The following SFMBT2 variants were observed in gnomAD, a reference collection of about 807,000 sequenced individuals.
The protein encoded by SFMBT2 is Scm like with four mbt domains 2, also known as scm-like with four MBT domains protein 2.
Under a neutral mutation model 110.1 loss-of-function variants are expected in SFMBT2, and 38 were observed. The observed-to-expected ratio is 0.35, with a 90% CI of 0.27 to 0.45. The LOEUF is 0.45. Ranked by LOEUF, SFMBT2 falls within the 20% of genes least tolerant of loss-of-function variation. SFMBT2 has a pLI of 1.00. For missense variants in SFMBT2, 1,011 were observed against 1,094.9 expected, an observed-to-expected ratio of 0.92 and a Z score of 1.08; for synonymous variants, 425 against 425.4, an observed-to-expected ratio of 1.00 and a Z score of 0.01.
intron 20 of SFMBT2, 127 bp from the exon 21 acceptor site, chr10:7,164,037 G>A: frequency 7.2e-7 from 1 of 1,397,966 alleles, no homozygotes; most frequent in Non-Finnish European, 9.3e-7. Flanking sequence ...CAATTCAGGG[G>A]ATTGTTGGTA....
rs989602907 is a variant in SFMBT2, at chr10:7,293,709, T to A, written c.437-7755A>T. Reference sequence around the variant, plus strand: ...CAAAGTTCCTCTCTCTTTCTCTTTCTCTCTCTCTCTTTCTCTCCCTCTCTC... The same window carrying A: ...CAAAGTTCCTCTCTCTTTCTCTTTCACTCTCTCTCTTTCTCTCCCTCTCTC... On this transcript the variant is annotated intron_variant, in intron 4 of 20. Transcript: ENST00000397167. The surrounding 1 kb of genome is among the most constrained non-coding windows in gnomAD (Gnocchi z 4.6). 6.6e-6 allele frequency among the ~76,000 whole-genome samples: 1 copy of A among 152,002 alleles called. No individual in the cohort carries two copies. Among genetic ancestry groups the A allele is most frequent in the African/African-American group, 2.4e-5 (1 of 41,374 alleles).
In SFMBT2 at chr10:7,334,758, G is replaced by GT. The variant is rs1259279023; in HGVS notation, c.436+32890dup. 2.6e-5 allele frequency among the ~76,000 whole-genome samples: 4 copies of GT among 152,276 alleles called. No individual in the cohort carries two copies. The East Asian group carries it at 5.8e-4, about 22-fold the overall frequency. ...TTGCCGTTTCCCACTGTCTGCAATT[G>GT]TAACTCGAGTGCTTTGGGCTGCCTT... On this transcript the variant is annotated intron_variant, in intron 4 of 20. Coordinates refer to ENST00000397167, the MANE Select transcript of SFMBT2 (RefSeq NM_001387889.1).
At chr10:7,373,141 T>C (rs1416366901) in intron 2 of SFMBT2, among the ~76,000 whole-genome samples, 1 of 152,214 alleles carries the variant, frequency 6.6e-6, no homozygotes, top group Non-Finnish European at 1.5e-5. Context: ...TAGATTAATG[T>C]CCTCCCTCAG....
At chr10:7,280,224 G>A (rs940586205) in intron 6 of SFMBT2, among the ~76,000 whole-genome samples, 1 of 152,186 alleles carries the variant, frequency 6.6e-6, no homozygotes, top group Non-Finnish European at 1.5e-5. Context: ...AGAAGTAAAT[G>A]TTTGTTGTTT....
chr10:7,269,493 C>T (rs1385513019), intron 7 of SFMBT2, among the ~76,000 whole-genome samples: 3 of 152,066 alleles, frequency 2.0e-5, no homozygotes, highest in Non-Finnish European at 2.9e-5. Flanking sequence ...TTGGAAATAC[C>T]GCTCATCTCC....
chr10:7,268,585 A>G (rs1841469360), intron 7 of SFMBT2, among the ~76,000 whole-genome samples: 1 of 151,564 alleles, frequency 6.6e-6, no homozygotes, highest in South Asian at 2.1e-4. Context: ...ATCTCGGCTC[A>G]CTGCAATCTC....
chr10:7,276,847 T>C (rs749644250), intron 7 of SFMBT2, 45 bp downstream of exon 7: 1 of 840,504 alleles, frequency 1.2e-6, no homozygotes, highest in South Asian at 1.3e-5. Flanking sequence ...TAGATGATTT[T>C]ATTCTCAAAA....
At chr10:7,324,844 C>G (rs144709220) in intron 4 of SFMBT2, among the ~76,000 whole-genome samples, 1 of 151,516 alleles carries the variant, frequency 6.6e-6, no homozygotes, top group African/African-American at 2.4e-5. Flanking sequence ...AGAAGGGAGG[C>G]GGAGGGAGAG....
At chr10:7,394,494 T>C (rs12249426) in intron 1 of SFMBT2, among the ~76,000 whole-genome samples, 9,634 of 150,696 alleles carry the variant, frequency 0.064, 1,022 homozygotes, top group African/African-American at 0.22. Flanking sequence ...TGATGCCTAC[T>C]GGTCACATGA....
chr10:7,304,111 T>C (rs1376250240), intron 4 of SFMBT2, among the ~76,000 whole-genome samples: 1 of 152,164 alleles, frequency 6.6e-6, no homozygotes, highest in African/African-American at 2.4e-5. Flanking sequence ...CTCACTGACA[T>C]GGTTTGGCTA....
chr10:7,339,723 C>G (rs557263684), intron 4 of SFMBT2, among the ~76,000 whole-genome samples: 1 of 152,322 alleles, frequency 6.6e-6, no homozygotes, highest in African/African-American at 2.4e-5. Context: ...TTAGACAGGC[C>G]AACTTCGTCA....
chr10:7,394,575 CA>C (rs57474743), intron 1 of SFMBT2, among the ~76,000 whole-genome samples: 2,115 of 150,740 alleles, frequency 0.014, 52 homozygotes, highest in African/African-American at 0.047. Context: ...TAGGTCTCTG[CA>C]AACACGCCAG....
chr10:7,363,565 C>A (rs1238884232), intron 4 of SFMBT2, among the ~76,000 whole-genome samples: 2 of 152,174 alleles, frequency 1.3e-5, no homozygotes, highest in African/African-American at 4.8e-5. Flanking sequence ...CCAGGCTTGT[C>A]TCGAACGCCT....
chr10:7,228,725 TTCTTTCTTTCCTTTCTCTCTCTCTC>T (rs1839996655), intron 9 of SFMBT2, among the ~76,000 whole-genome samples: 4 of 108,470 alleles, frequency 3.7e-5, no homozygotes, highest in Admixed American at 9.3e-5. Flanking sequence ...CTTTCTTTCT[TTCTTTCTTTCCTTTCTCTCTCTCTC>T]TCTCTCTCTC....
chr10:7,373,153 G>A (rs769905039), intron 2 of SFMBT2, among the ~76,000 whole-genome samples: 1 of 152,160 alleles, frequency 6.6e-6, no homozygotes, highest in Non-Finnish European at 1.5e-5. Flanking sequence ...CTCCCTCAGG[G>A]GTGAGTTCTG....
At chr10:7,211,863 T>C (rs1839360336) in intron 11 of SFMBT2, among the ~76,000 whole-genome samples, 1 of 152,246 alleles carries the variant, frequency 6.6e-6, no homozygotes, top group Admixed American at 6.5e-5. Context: ...GGCTGTGTTC[T>C]GCACCTGGTC....
intron 12 of SFMBT2, chr10:7,205,205 C>A (rs1049846932): frequency 4.7e-6 from 1 of 211,388 alleles, no homozygotes; most frequent in African/African-American, 2.4e-5. Context: ...ACCTCAGCCT[C>A]CAGAGTAGCT....
intron 4 of SFMBT2, among the ~76,000 whole-genome samples, chr10:7,339,487 C>T (rs570816756): frequency 2.0e-5 from 3 of 152,254 alleles, no homozygotes; most frequent in African/African-American, 2.4e-5. Context: ...AATTTGACTT[C>T]GGAATAAAAT....
In SFMBT2 at chr10:7,270,205, G is replaced by A. The variant is rs1388858172; in HGVS notation, c.870+6687C>T. Reference sequence around the variant, plus strand: ...CATGTGAACCTGGAGGCAGGGAACCGAGGGAGGTGGCCACAGACCAAGCAA... The same window carrying A: ...CATGTGAACCTGGAGGCAGGGAACCAAGGGAGGTGGCCACAGACCAAGCAA... On this transcript the variant is annotated intron_variant, in intron 7 of 20. Coordinates refer to ENST00000397167, the MANE Select transcript of SFMBT2 (RefSeq NM_001387889.1). 6.6e-5 allele frequency among the ~76,000 whole-genome samples: 10 copies of A among 152,282 alleles called. No homozygotes were observed. The East Asian group carries it at 1.2e-3, about 18-fold the overall frequency.
Sources: gnomAD v4.1 joint callset for allele counts (sites outside exome capture counted in the v4.1 genomes callset) on GRCh38, gnomAD v4.1.1 for gene constraint, Gnocchi (gnomAD v3.1) non-coding constraint, MANE v1.5 for transcripts, NCBI Gene and HGNC (gene_info 2026-07-23, HGNC 2026-07-21) for gene names.